DPP6: variants seen among roughly 807,000 people sequenced by gnomAD.
DPP6 encodes the protein A-type potassium channel modulatory protein DPP6.
DPP6 carries 69 observed loss-of-function variants against 122.6 expected under a neutral mutation model. That is an observed-to-expected ratio of 0.56 (90% CI 0.46 to 0.69). The LOEUF (loss-of-function observed/expected upper bound fraction) is 0.69. DPP6 is among the 30% of genes least tolerant of loss of function. The pLI is 0.00. For missense variants in DPP6, 928 were observed against 1,116.9 expected, an observed-to-expected ratio of 0.83 and a Z score of 2.41; for synonymous variants, 418 against 433.1, an observed-to-expected ratio of 0.97 and a Z score of 0.43.
chr7:154,075,166 A>C (rs1803468459), intron 1 of DPP6, among the ~76,000 whole-genome samples: 1 of 151,950 alleles, frequency 6.6e-6, no homozygotes, highest in Non-Finnish European at 1.5e-5. Flanking sequence ...AGATGTTGGC[A>C]TGGATATGGT....
chr7:154,879,879 C>T (rs544912127), intron 20 of DPP6, among the ~76,000 whole-genome samples: 4 of 152,212 alleles, frequency 2.6e-5, no homozygotes, highest in Non-Finnish European at 5.9e-5. Context: ...CCTTAAGAGG[C>T]ACTGGAACTG....
At chr7:154,842,792 A>G (rs976869200) in intron 16 of DPP6, among the ~76,000 whole-genome samples, 1 of 152,236 alleles carries the variant, frequency 6.6e-6, no homozygotes, top group African/African-American at 2.4e-5. Context: ...TATTGCGGTT[A>G]TCTCTTCGTA....
chr7:154,342,299 A>C (rs1222182646), intron 1 of DPP6, among the ~76,000 whole-genome samples: 1 of 152,148 alleles, frequency 6.6e-6, no homozygotes, highest in Admixed American at 6.5e-5. Context: ...TACTAAGCTG[A>C]GGCAGAACAG....
chr7:153,823,752 A>G, the DPP6 span, among the ~76,000 whole-genome samples: 1 of 152,254 alleles, frequency 6.6e-6, no homozygotes, highest in Admixed American at 6.5e-5. Flanking sequence ...TTGAATCTGC[A>G]TGCTGAAAAG....
intron 1 of DPP6, among the ~76,000 whole-genome samples, chr7:154,165,400 C>A (rs1312666349): frequency 6.8e-6 from 1 of 146,562 alleles, no homozygotes; most frequent in African/African-American, 2.7e-5. Flanking sequence ...TTAATCCAGT[C>A]TATCATTGTT....
chr7:154,806,601 C>T (rs1367538743), intron 15 of DPP6, among the ~76,000 whole-genome samples: 1 of 152,236 alleles, frequency 6.6e-6, no homozygotes, highest in Non-Finnish European at 1.5e-5. Flanking sequence ...GTCACTCTGT[C>T]TACTGTTCTC....
At chr7:154,088,819 G>A (rs1302578887) in intron 1 of DPP6, among the ~76,000 whole-genome samples, 4 of 152,128 alleles carry the variant, frequency 2.6e-5, no homozygotes, top group Non-Finnish European at 5.9e-5. Context: ...TCTGATATAC[G>A]GTAGCCTCTA....
chr7:154,646,572 A>C (rs972321420), intron 6 of DPP6, among the ~76,000 whole-genome samples: 1 of 152,202 alleles, frequency 6.6e-6, no homozygotes, highest in African/African-American at 2.4e-5. Context: ...TCACGCTAGA[A>C]TTTATCGTTT....
At chr7:154,426,473 G>T (rs563397008) in intron 1 of DPP6, among the ~76,000 whole-genome samples, 1 of 152,288 alleles carries the variant, frequency 6.6e-6, no homozygotes, top group Admixed American at 6.5e-5. Flanking sequence ...GGAGTTTGCA[G>T]TTCCGTAGTA....
chr7:154,829,973 G>A (rs930836862), intron 16 of DPP6, among the ~76,000 whole-genome samples: 15 of 152,062 alleles, frequency 9.9e-5, no homozygotes, highest in Admixed American at 7.9e-4. Context: ...GTGCCCTCCC[G>A]CAGCTGTGCT....
In DPP6 at chr7:154,482,522, C is replaced by T. The variant is rs559539395; in HGVS notation, c.457+7485C>T. Among the ~76,000 whole-genome samples the T allele has an allele frequency of 1.1e-4, 16 of 152,192 alleles. No homozygotes were observed. The South Asian group carries it at 3.1e-3, about 30-fold the overall frequency. ...AAAAGATACTAAAAATTACCTGTAACCCCTCTAACTGAAAATGGCCACTAT... is the reference window on the plus strand; with the variant it reads ...AAAAGATACTAAAAATTACCTGTAATCCCTCTAACTGAAAATGGCCACTAT... On this transcript the variant is annotated intron_variant, in intron 3 of 25. Coordinates refer to ENST00000377770, the MANE Select transcript of DPP6 (RefSeq NM_130797.4).
intron 6 of DPP6, among the ~76,000 whole-genome samples, chr7:154,640,277 A>C (rs1835991683): frequency 6.6e-6 from 1 of 152,182 alleles, no homozygotes; most frequent in Non-Finnish European, 1.5e-5. Context: ...AACAATTGGG[A>C]TTAATTCAAA....
At chr7:153,761,453 T>C in the DPP6 span, among the ~76,000 whole-genome samples, 3 of 152,236 alleles carry the variant, frequency 2.0e-5, no homozygotes, top group Non-Finnish European at 4.4e-5. Context: ...TGGAAGACAC[T>C]ATGAAATGAA....
chr7:154,216,649 G>A (rs1369101530), intron 1 of DPP6, among the ~76,000 whole-genome samples: 1 of 151,932 alleles, frequency 6.6e-6, no homozygotes, highest in African/African-American at 2.4e-5. Context: ...GAACCATTGG[G>A]TAATTCTTCT....
intron 16 of DPP6, among the ~76,000 whole-genome samples, chr7:154,814,398 G>A (rs961739755): frequency 2.0e-5 from 3 of 152,046 alleles, no homozygotes; most frequent in Non-Finnish European, 4.4e-5. Context: ...CCCCTTACAG[G>A]AGGGATGAAT....
intron 1 of DPP6, among the ~76,000 whole-genome samples, chr7:154,224,464 G>A (rs1800483345): frequency 6.7e-6 from 1 of 149,306 alleles, no homozygotes; most frequent in African/African-American, 2.5e-5. Context: ...ACTCAACTTT[G>A]AGGAAACTGT....
chr7:153,788,055 G>T, the DPP6 span, among the ~76,000 whole-genome samples: 10 of 152,024 alleles, frequency 6.6e-5, no homozygotes, highest in Non-Finnish European at 1.5e-4. Context: ...TTTATAAAAG[G>T]AAAGAGAAAT....
intron 1 of DPP6, chr7:154,094,712 C>T (rs62485654): frequency 0.11 from 17,169 of 152,078 alleles, 1,208 homozygotes; most frequent in African/African-American, 0.2. Context: ...TGACCTCTGA[C>T]GTGCACGGCA....
At chr7:154,576,368 G>A (rs1214851409) in intron 5 of DPP6, among the ~76,000 whole-genome samples, 1 of 152,112 alleles carries the variant, frequency 6.6e-6, no homozygotes, top group Non-Finnish European at 1.5e-5. Flanking sequence ...ACCTTTCTGT[G>A]TAACTCAGTG....
Sources: allele counts gnomAD v4.1 joint callset (sites outside exome capture counted in the v4.1 genomes callset), GRCh38; gene constraint gnomAD v4.1.1; transcripts MANE v1.5; gene names NCBI Gene and HGNC (gene_info 2026-07-23, HGNC 2026-07-21).